SEMA5A: variants seen among roughly 807,000 people sequenced by gnomAD.
SEMA5A encodes the protein semaphorin-5A.
A neutral mutation model predicts 135.5 loss-of-function variants in SEMA5A; 55 were observed. The observed-to-expected ratio is 0.41, with a 90% confidence interval of 0.33 to 0.51. The LOEUF (loss-of-function observed/expected upper bound fraction) is 0.51. Among genes scored for constraint, SEMA5A ranks in the 20% least tolerant of loss-of-function variants. The pLI is 0.37. For synonymous variants in SEMA5A, 580 were observed against 546.5 expected (o/e 1.06, Z -0.85); for missense variants, 1,290 against 1,419.9 (o/e 0.91, Z 1.47).
intron 5 of SEMA5A, among the ~76,000 whole-genome samples, chr5:9,269,777 T>C (rs1749874272): frequency 6.6e-6 from 1 of 152,092 alleles, no homozygotes; most frequent in Non-Finnish European, 1.5e-5. Context: ...TGAAATGTAA[T>C]AAATCTGCAT....
At chr5:9,267,741 T>G (rs1307055171) in intron 5 of SEMA5A, among the ~76,000 whole-genome samples, 1 of 152,074 alleles carries the variant, frequency 6.6e-6, no homozygotes, top group Non-Finnish European at 1.5e-5. Flanking sequence ...ACATCTGAGA[T>G]CGACTTCAGA....
intron 5 of SEMA5A, among the ~76,000 whole-genome samples, chr5:9,243,371 C>T (rs935807265): frequency 2.6e-5 from 4 of 152,196 alleles, no homozygotes; most frequent in East Asian, 3.9e-4. Flanking sequence ...ATAAGGACAC[C>T]GGCCACTGGA....
At position 9,469,154 on chromosome 5, in the gene SEMA5A, G is replaced by A. The variant is rs182745775; in HGVS notation, c.-174-31302C>T. Reference sequence around the variant, plus strand: ...CTCCTGAGTAGCTGGGACTACAGGCGCCCGCCACCACTCCTGGCTAATCTT... The same window carrying A: ...CTCCTGAGTAGCTGGGACTACAGGCACCCGCCACCACTCCTGGCTAATCTT... On this transcript the variant is annotated intron_variant, in intron 1 of 22. Transcript: ENST00000382496. Among the ~76,000 whole-genome samples, 404 of 152,094 alleles carry A rather than the reference G, an allele frequency of 2.7e-3. 3 individuals are homozygous for A. Among genetic ancestry groups the A allele is most frequent in the South Asian group, 0.011 (51 of 4,818 alleles).
chr5:9,533,751 A>G (rs1242752551), intron 1 of SEMA5A, among the ~76,000 whole-genome samples: 1 of 152,198 alleles, frequency 6.6e-6, no homozygotes, highest in Non-Finnish European at 1.5e-5. Flanking sequence ...CTTTCTACCA[A>G]TTCTGAGAAG....
chr5:9,276,567 T>C (rs1750273087), intron 5 of SEMA5A, among the ~76,000 whole-genome samples: 1 of 152,076 alleles, frequency 6.6e-6, no homozygotes, highest in African/African-American at 2.4e-5. Flanking sequence ...CAAACTATAA[T>C]ACAAGGCTAC....
At chr5:9,296,902 C>CA (rs34923583) in intron 5 of SEMA5A, among the ~76,000 whole-genome samples, 1,475 of 134,594 alleles carry the variant, frequency 0.011, 31 homozygotes, top group African/African-American at 0.037. Flanking sequence ...ACTGTGATCT[C>CA]AAAAAAAAAA....
chr5:9,311,799 T>C (rs533333780), intron 5 of SEMA5A, among the ~76,000 whole-genome samples: 1 of 152,036 alleles, frequency 6.6e-6, no homozygotes, highest in African/African-American at 2.4e-5. Context: ...CACTTTAACT[T>C]TGGAGAGAAT....
intron 1 of SEMA5A, among the ~76,000 whole-genome samples, chr5:9,474,012 G>A (rs1418832832): frequency 6.6e-6 from 1 of 152,002 alleles, no homozygotes; most frequent in African/African-American, 2.4e-5. Context: ...CAACATATGG[G>A]GCATGTAAGA....
intron 15 of SEMA5A, among the ~76,000 whole-genome samples, chr5:9,115,813 C>G (rs1055405634): frequency 5.9e-5 from 9 of 152,110 alleles, no homozygotes; most frequent in African/African-American, 2.2e-4. Context: ...GTGTCATCAC[C>G]TCCTCTAGGT....
intron 2 of SEMA5A, among the ~76,000 whole-genome samples, chr5:9,429,341 T>C (rs1228398494): frequency 6.6e-6 from 1 of 150,406 alleles, no homozygotes; most frequent in Non-Finnish European, 1.5e-5. Flanking sequence ...AATCCATCCA[T>C]CAACCCATCT....
chr5:9,335,483 A>C (rs1561159309), intron 4 of SEMA5A, among the ~76,000 whole-genome samples: 1 of 152,258 alleles, frequency 6.6e-6, no homozygotes, highest in African/African-American at 2.4e-5. Context: ...TGGTCTGTTC[A>C]CACAGCACCC....
chr5:9,178,347 T>TG, intron 11 of SEMA5A, among the ~76,000 whole-genome samples: 1 of 104,582 alleles, frequency 9.6e-6, no homozygotes, highest in East Asian at 2.7e-4. Context: ...TTTTTTTTTT[T>TG]GTTGAGATGG....
At chr5:9,265,898 G>A (rs891989190) in intron 5 of SEMA5A, among the ~76,000 whole-genome samples, 1 of 152,186 alleles carries the variant, frequency 6.6e-6, no homozygotes, top group African/African-American at 2.4e-5. Flanking sequence ...TCTGAAAAAT[G>A]CTAGGCGGAG....
chr5:9,422,566 C>T (rs892420128), intron 2 of SEMA5A: 12 of 152,108 alleles, frequency 7.9e-5, no homozygotes, highest in African/African-American at 2.7e-4. Flanking sequence ...AAAAGGCTAA[C>T]GGAATGCAGT....
intron 1 of SEMA5A, among the ~76,000 whole-genome samples, chr5:9,544,372 C>T (rs1279940301): frequency 6.6e-6 from 1 of 152,192 alleles, no homozygotes; most frequent in Non-Finnish European, 1.5e-5. Context: ...GGCAGATGCC[C>T]AGACAAGGAA....
intron 5 of SEMA5A, among the ~76,000 whole-genome samples, chr5:9,242,264 C>G (rs1037596852): frequency 1.9e-4 from 29 of 152,252 alleles, no homozygotes; most frequent in African/African-American, 6.5e-4. Context: ...GACATCTTTG[C>G]TAATTATAAT....
chr5:9,511,180 A>G (rs1478618380), intron 1 of SEMA5A, among the ~76,000 whole-genome samples: 2 of 152,168 alleles, frequency 1.3e-5, no homozygotes, highest in African/African-American at 4.8e-5. Flanking sequence ...TGGAGTGATG[A>G]ATTTTATAGG....
Position 9,319,377 on chromosome 5 carries a change from G to A in SEMA5A, c.225-960C>T, listed in dbSNP as rs892301711. ...CCCAAGTATAAAATAGGAAATTAGA[G>A]AAAAGTAAAATATCAATTTCAACAA... is the stretch of plus-strand genomic sequence containing the variant. On this transcript the variant is annotated intron_variant, in intron 4 of 22. Coordinates refer to ENST00000382496, the MANE Select transcript of SEMA5A (RefSeq NM_003966.3). Among the ~76,000 whole-genome samples the A allele has an allele frequency of 1.1e-4, 16 of 152,224 alleles. No individual in the cohort carries two copies. In the South Asian group the frequency reaches 2.1e-3, roughly 20 times the overall value.
intron 16 of SEMA5A, among the ~76,000 whole-genome samples, chr5:9,091,816 C>T (rs1739051115): frequency 6.6e-6 from 1 of 152,162 alleles, no homozygotes; most frequent in Non-Finnish European, 1.5e-5. Flanking sequence ...GACAACCCCT[C>T]TTATTGAAAC....
Sources: gnomAD v4.1 joint callset for allele counts (sites outside exome capture counted in the v4.1 genomes callset) on GRCh38, gnomAD v4.1.1 for gene constraint, MANE v1.5 for transcripts, NCBI Gene and HGNC (gene_info 2026-07-23, HGNC 2026-07-21) for gene names.